The following SOX6 variants were observed in gnomAD, a reference collection of about 807,000 sequenced individuals.
SOX6 encodes the protein SRY-box transcription factor 6, also known as transcription factor SOX-6.
SOX6 carries 11 observed loss-of-function variants against 97.8 expected under a neutral mutation model. The ratio of observed to expected loss-of-function variants is 0.11; its 90% CI spans 0.07 to 0.19. The LOEUF (loss-of-function observed/expected upper bound fraction) is 0.19. Among genes scored for constraint, SOX6 ranks in the 10% least tolerant of loss-of-function variants. The pLI is 1.00. For synonymous variants in SOX6, 360 were observed against 371.4 expected (o/e 0.97, Z 0.35); for missense variants, 810 against 1,039.5 (o/e 0.78, Z 3.04).
At chr11:16,134,104 A>C (rs557569197) in intron 6 of SOX6, among the ~76,000 whole-genome samples, 1 of 152,238 alleles carries the variant, frequency 6.6e-6, no homozygotes, top group South Asian at 2.1e-4. Context: ...AGTGCTTTAC[A>C]TGCATTAACA....
At chr11:16,306,611 C>CTTTTTTTTTTTT (rs750981587) in intron 3 of SOX6, among the ~76,000 whole-genome samples, 30 of 120,766 alleles carry the variant, frequency 2.5e-4, no homozygotes, top group East Asian at 7.6e-4. Flanking sequence ...CCTCAAATTT[C>CTTTTTTTTTTTT]TTTTTTTTTT....
intron 4 of SOX6, among the ~76,000 whole-genome samples, chr11:16,577,619 C>T (rs1173427782): frequency 7.2e-5 from 11 of 152,132 alleles, no homozygotes; most frequent in Non-Finnish European, 1.6e-4. Flanking sequence ...TTACTATAGC[C>T]TCCCTAGTAT....
intron 1 of SOX6, among the ~76,000 whole-genome samples, chr11:16,387,002 A>G (rs1030687759): frequency 1.3e-5 from 2 of 152,152 alleles, no homozygotes; most frequent in African/African-American, 4.8e-5. Flanking sequence ...TCATTAATAA[A>G]CTTACCATTT....
intron 10 of SOX6, among the ~76,000 whole-genome samples, chr11:16,053,204 G>A (rs1288516646): frequency 6.6e-6 from 1 of 152,134 alleles, no homozygotes; most frequent in Non-Finnish European, 1.5e-5. Context: ...TGTAGTGCCT[G>A]CCTCACTTGT....
chr11:16,055,564 G>A (rs569663702), intron 10 of SOX6, among the ~76,000 whole-genome samples, 188 bp downstream of exon 10: 15 of 152,202 alleles, frequency 9.9e-5, no homozygotes, highest in African/African-American at 1.4e-4. Context: ...CTCACAATAC[G>A]GCACTATTGT....
chr11:16,508,595 T>C (rs1427337077), intron 4 of SOX6, among the ~76,000 whole-genome samples: 3 of 151,704 alleles, frequency 2.0e-5, no homozygotes, highest in Admixed American at 1.3e-4. Context: ...AGAAAAATAC[T>C]GCATGTTCTC....
At chr11:16,211,735 A>G (rs996743383) in intron 4 of SOX6, among the ~76,000 whole-genome samples, 8 of 152,188 alleles carry the variant, frequency 5.3e-5, no homozygotes, top group African/African-American at 1.7e-4. Flanking sequence ...AGTGTCTCAC[A>G]TTGGTTGAAC....
chr11:16,503,403 A>G (rs1199552499), intron 4 of SOX6, among the ~76,000 whole-genome samples: 1 of 152,228 alleles, frequency 6.6e-6, no homozygotes, highest in East Asian at 1.9e-4. Flanking sequence ...AAGCAAACAG[A>G]AATCAATTCA....
intron 3 of SOX6, among the ~76,000 whole-genome samples, chr11:16,666,632 C>T (rs1847808940): frequency 1.3e-5 from 2 of 152,136 alleles, no homozygotes; most frequent in East Asian, 1.9e-4. Context: ...ATGGCAAAAC[C>T]CGTCTCTACT....
intron 3 of SOX6, among the ~76,000 whole-genome samples, chr11:16,705,308 C>G (rs889822163): frequency 6.6e-6 from 1 of 151,694 alleles, no homozygotes; most frequent in Non-Finnish European, 1.5e-5. Flanking sequence ...GTCTTCCACC[C>G]CTTCTGCTTA....
At chr11:16,507,692 T>C (rs1860813847) in intron 4 of SOX6, among the ~76,000 whole-genome samples, 2 of 152,124 alleles carry the variant, frequency 1.3e-5, no homozygotes, top group African/African-American at 2.4e-5. Flanking sequence ...GAAATGATGC[T>C]GGGAAAATTG....
chr11:16,682,690 C>T lies in SOX6; in HGVS notation n.429+32140G>A, dbSNP rs143167804. On this transcript the variant is annotated intron_variant and non_coding_transcript_variant, in intron 3 of 5. Coordinates refer to the SOX6 transcript ENST00000524520. ...TCAAAACTGGCACAAAACAAGGATGCCCTCTCCCATCACTCCTCTTCAGCA... is the reference window on the plus strand; with the variant it reads ...TCAAAACTGGCACAAAACAAGGATGTCCTCTCCCATCACTCCTCTTCAGCA... 7.1e-3 allele frequency among the ~76,000 whole-genome samples: 1,079 copies of T among 152,318 alleles called. 14 individuals are homozygous for T. Among genetic ancestry groups the T allele is most frequent in the African/African-American group, 0.023 (975 of 41,556 alleles).
chr11:16,332,954 T>C (rs1856351444), intron 2 of SOX6, among the ~76,000 whole-genome samples: 1 of 152,174 alleles, frequency 6.6e-6, no homozygotes, highest in Non-Finnish European at 1.5e-5. Flanking sequence ...AATTAATACA[T>C]ATTCATTATA....
intron 10 of SOX6, among the ~76,000 whole-genome samples, chr11:16,052,391 A>G (rs559525199): frequency 6.6e-6 from 1 of 152,254 alleles, no homozygotes; most frequent in African/African-American, 2.4e-5. Context: ...ATTTTCTCAG[A>G]TTGTATATAA....
chr11:16,278,511 C>T (rs16932876), intron 3 of SOX6, among the ~76,000 whole-genome samples: 6,120 of 152,098 alleles, frequency 0.04, 162 homozygotes, highest in Middle Eastern at 0.068. Flanking sequence ...AGCGTAGACG[C>T]CAAGCTTTCT....
At chr11:16,315,408 T>C (rs1343551486) in intron 3 of SOX6, 1 of 152,062 alleles carries the variant, frequency 6.6e-6, no homozygotes, top group Non-Finnish European at 1.5e-5. Flanking sequence ...AGAAAAATAA[T>C]CACAATACTA....
intron 6 of SOX6, among the ~76,000 whole-genome samples, chr11:16,182,298 T>C (rs1406951560): frequency 1.3e-5 from 2 of 151,778 alleles, no homozygotes; most frequent in African/African-American, 2.4e-5. Flanking sequence ...TTAACTGATA[T>C]AAGAACACCT....
intron 3 of SOX6, among the ~76,000 whole-genome samples, chr11:16,714,641 G>A (rs1256195965): frequency 2.6e-5 from 4 of 151,722 alleles, no homozygotes; most frequent in East Asian, 3.9e-4. Flanking sequence ...TAGTAGAGAC[G>A]GGGTTTCACC....
chr11:16,064,767 T>C (rs559308824), intron 9 of SOX6, among the ~76,000 whole-genome samples: 2 of 151,948 alleles, frequency 1.3e-5, no homozygotes, highest in South Asian at 2.1e-4. Context: ...ACAAAAATCA[T>C]ATGATCATTT....
Sources: gnomAD v4.1 joint callset for allele counts (sites outside exome capture counted in the v4.1 genomes callset) on GRCh38, gnomAD v4.1.1 for gene constraint, MANE v1.5 for transcripts, NCBI Gene and HGNC (gene_info 2026-07-23, HGNC 2026-07-21) for gene names.